The following F13B variants were observed in gnomAD, a reference collection of about 807,000 sequenced individuals.
F13B encodes coagulation factor XIII B chain.
A neutral mutation model predicts 79.8 loss-of-function variants in F13B; 58 were observed. That is an observed-to-expected ratio of 0.73 (90% CI 0.59 to 0.90). The LOEUF (loss-of-function observed/expected upper bound fraction) is 0.90. Among genes scored for constraint, F13B ranks in the 40% least tolerant of loss-of-function variants. The pLI, the probability that F13B is intolerant of heterozygous loss-of-function variation, is 0.00. For synonymous variants in F13B, 283 were observed against 260.3 expected, an observed-to-expected ratio of 1.09 and a Z score of -0.84; for missense variants, 773 against 777.0, an observed-to-expected ratio of 0.99 and a Z score of 0.06.
Position 197,060,562 on chromosome 1 carries a change from T to G in F13B, c.629-20A>C. 6.7e-7 allele frequency: 1 copy of G among 1,495,148 alleles called. No individual in the cohort carries two copies. Among genetic ancestry groups the G allele is most frequent in the Non-Finnish European group, 9.2e-7 (1 of 1,081,150 alleles). The allele number at this position is 1,495,148 out of a possible 1,614,324, so 92.6% of individuals were successfully genotyped here. A position where few individuals can be genotyped will look rare whatever the true frequency, so the allele number is the denominator to read the frequency against. On this transcript the variant is annotated intron_variant, in intron 4 of 11. Coordinates refer to ENST00000367412, the MANE Select transcript of F13B (RefSeq NM_001994.3). ...TTAATTCTGCAAATAAAAGAATGAA[T>G]AAAATTACAAACAAATGTTTATTTT...
chr1:197,060,290 G>A, intron 5 of F13B, 76 bp downstream of exon 5: 3 of 1,095,604 alleles, frequency 2.7e-6, no homozygotes, highest in Admixed American at 2.0e-5. Context: ...ATGACCACAG[G>A]AATTTTGTCA....
intron 10 of F13B, among the ~76,000 whole-genome samples, chr1:197,046,863 T>C (rs977280978): frequency 2.6e-5 from 4 of 151,970 alleles, no homozygotes; most frequent in African/African-American, 9.7e-5. Flanking sequence ...TGCACACACA[T>C]ACAACCATCT....
chr1:197,058,522 T>C (rs1444257083), intron 5 of F13B, among the ~76,000 whole-genome samples: 2 of 152,154 alleles, frequency 1.3e-5, no homozygotes, highest in Non-Finnish European at 2.9e-5. Context: ...CTTCTTGAAA[T>C]CACCTGTATT....
At chr1:197,048,862 T>A (rs1435663666) in intron 10 of F13B, among the ~76,000 whole-genome samples, 1 of 151,988 alleles carries the variant, frequency 6.6e-6, no homozygotes, top group African/African-American at 2.4e-5. Flanking sequence ...CTAAAGCAAA[T>A]ACATGCTTGT....
At chr1:197,063,461 C>T (rs1420602941) in intron 1 of F13B, among the ~76,000 whole-genome samples, 1 of 152,096 alleles carries the variant, frequency 6.6e-6, no homozygotes, top group Non-Finnish European at 1.5e-5. Context: ...ACTGCAGGCA[C>T]ATGCCACCAC....
At chr1:197,060,596 C>A in intron 4 of F13B, 54 bp from the exon 5 acceptor site, 1 of 1,254,918 alleles carries the variant, frequency 8.0e-7, no homozygotes. Flanking sequence ...TTTTCTGCTA[C>A]AACAAAATGC....
intron 9 of F13B, 95 bp from the exon 10 acceptor site, chr1:197,050,974 C>A (rs1655421530): frequency 9.5e-7 from 1 of 1,057,300 alleles, no homozygotes; most frequent in East Asian, 2.6e-5. Context: ...CTCTGTCACC[C>A]AGGCTGGAGT....
chr1:197,042,803 A>G (rs1028814226), intron 10 of F13B, among the ~76,000 whole-genome samples: 24 of 129,326 alleles, frequency 1.9e-4, no homozygotes, highest in African/African-American at 6.0e-4. Context: ...CCTGGGCAAC[A>G]AAAGGAGACT....
chr1:197,051,582 T>C (rs1292046442), intron 9 of F13B, among the ~76,000 whole-genome samples: 1 of 152,114 alleles, frequency 6.6e-6, no homozygotes, highest in Non-Finnish European at 1.5e-5. Flanking sequence ...TGGCAACATT[T>C]ATAAAACCTC....
At chr1:197,051,948 A>T (rs1244186208) in intron 9 of F13B, among the ~76,000 whole-genome samples, 5 of 152,166 alleles carry the variant, frequency 3.3e-5, no homozygotes, top group Non-Finnish European at 5.9e-5. Context: ...GGCAGATTGC[A>T]AAAATTTTCT....
chr1:197,060,918 A>G lies in F13B; in HGVS notation c.609T>C (p.Ser203=). The change falls in exon 4 of 12, where the codon TCT becomes TCC. Residue 203 remains serine, a synonymous_variant. Transcript: ENST00000367412. ...EEVECLTYGW[S]LTPKCTKLKC... is the part of the protein sequence containing the mutation. ...ACCTACTGGTACATTTTGGTGTGAG[A>G]GACCATCCGTATGTGAGACATTCTA... The G allele has an allele frequency of 1.5e-5, 24 of 1,613,124 alleles. No individual in the cohort carries two copies. Among genetic ancestry groups the G allele is most frequent in the Non-Finnish European group, 2.0e-5 (24 of 1,179,366 alleles).
rs1655807276 is a variant in F13B at position 197,060,401 on chromosome 1, T to TTA, written c.768_769dup (p.Asn257IlefsTer26). ...AGGAGATTCTGGGTACCAACCAAAG[T>TTA]TATAGCATTGAATTAAATCAGATCC... is the stretch of plus-strand genomic sequence containing the variant. On this transcript the variant is annotated frameshift_variant, in exon 5 of 12. Coordinates refer to ENST00000367412, the MANE Select transcript of F13B (RefSeq NM_001994.3). LOFTEE classifies it high-confidence loss of function. 3 of 1,612,452 alleles carry TTA rather than the reference T, an allele frequency of 1.9e-6. No homozygotes were observed. The highest frequency in any genetic ancestry group is 1.6e-4 in the Middle Eastern group (1 of 6,068).
chr1:197,063,922 C>A (rs1269778483), intron 1 of F13B, among the ~76,000 whole-genome samples: 1 of 152,052 alleles, frequency 6.6e-6, no homozygotes, highest in African/African-American at 2.4e-5. Context: ...GGTAAAGTTT[C>A]TCCTTAACAT....
chr1:197,057,511 A>C, intron 5 of F13B, 46 bp from the exon 6 acceptor site: 1 of 1,560,678 alleles, frequency 6.4e-7, no homozygotes, highest in Non-Finnish European at 8.8e-7. Context: ...TAATTACAAA[A>C]AATAATAAAG....
rs1654946221 is a variant in F13B at position 197,039,148 on chromosome 1, G to A, written c.*230C>T. On this transcript the variant is annotated 3_prime_UTR_variant, in exon 12 of 12. Transcript: ENST00000367412. The stretch of plus-strand genomic sequence containing the variant: ...ATGATGTGTAGATTAATTTGTAACA[G>A]ATGGAAGACATACAAAAGAGATTAA... 2 of 493,214 alleles carry A rather than the reference G, an allele frequency of 4.1e-6. No individual in the cohort carries two copies. The highest frequency in any genetic ancestry group is 5.4e-5 in the South Asian group (2 of 36,738). 30.6% of individuals were successfully genotyped at this position (493,214 alleles called of 1,614,324 possible).
rs1232302447 is a variant in F13B at position 197,063,049 on chromosome 1, A to G, written c.73T>C (p.Cys25Arg). 3.7e-6 allele frequency: 6 copies of G among 1,610,908 alleles called. No homozygotes were observed. The highest frequency in any genetic ancestry group is 1.3e-5 in the African/African-American group (1 of 74,818). ...CCATTTTCCACATGAGGAAAACCACAGGGTTTCTCTGAAATGAGTAAATGT... is the reference window on the plus strand; with the variant it reads ...CCATTTTCCACATGAGGAAAACCACGGGGTTTCTCTGAAATGAGTAAATGT... ...SGELYAEEKP[C>R]GFPHVENGRI... is the part of the protein sequence containing the mutation. Residue 25 changes from cysteine to arginine, a missense_variant, in exon 2 of 12, where the codon TGT becomes CGT. Physicochemically the swap from Cys to Arg is radical, Grantham distance 180 (BLOSUM62 -3). Coordinates refer to ENST00000367412, the MANE Select transcript of F13B (RefSeq NM_001994.3).
At chr1:197,066,702 C>A (rs967441822) in intron 1 of F13B, among the ~76,000 whole-genome samples, 5 of 152,140 alleles carry the variant, frequency 3.3e-5, no homozygotes, top group African/African-American at 4.8e-5. Context: ...TGATAAAAAT[C>A]AAAGTCTCAA....
chr1:197,041,499 G>A (rs1655035764), intron 10 of F13B, among the ~76,000 whole-genome samples: 1 of 152,036 alleles, frequency 6.6e-6, no homozygotes, highest in Non-Finnish European at 1.5e-5. Context: ...TCTCCTGGAT[G>A]ACCTAGCATT....
Position 197,040,594 on chromosome 1 carries a change from A to C in F13B, c.1880T>G (p.Ile627Ser). The change falls in exon 11 of 12, where the codon ATT (isoleucine) becomes AGT (serine). Residue 627 changes from isoleucine to serine, a missense_variant. Transcript: ENST00000367412. ...TTGCATTCTAAGTATAGATCCAGTA[A>C]TATATAATTCAGCTGGATAAGTATC... ...RGDTYPAELY[I>S]TGSILRMQCD... is the part of the protein sequence containing the mutation. 6.2e-7 allele frequency: 1 copy of C among 1,612,378 alleles called. No homozygotes were observed. The highest frequency in any genetic ancestry group is 8.5e-7 in the Non-Finnish European group (1 of 1,178,620).
Sources: allele counts gnomAD v4.1 joint callset (sites outside exome capture counted in the v4.1 genomes callset), GRCh38; gene constraint gnomAD v4.1.1; transcripts MANE v1.5; gene names NCBI Gene and HGNC (gene_info 2026-07-23, HGNC 2026-07-21).